Variants in CABIN1 observed in about 807,000 individuals in gnomAD.
CABIN1 encodes the protein calcineurin-binding protein cabin-1.
Under a neutral mutation model 227.7 loss-of-function variants are expected in CABIN1, and 133 were observed. That is an observed-to-expected ratio of 0.58 (90% confidence interval 0.51 to 0.67). CABIN1 has a LOEUF of 0.67. Ranked by LOEUF, CABIN1 falls within the 30% of genes least tolerant of loss-of-function variation. The pLI is 0.00. For missense variants in CABIN1, 2,408 were observed against 2,852.5 expected (o/e 0.84, Z 3.55); for synonymous variants, 1,086 against 1,155.1 (o/e 0.94, Z 1.21).
chr22:24,130,843 C>G (rs1654302247), intron 28 of CABIN1, among the ~76,000 whole-genome samples: 1 of 152,218 alleles, frequency 6.6e-6, no homozygotes, highest in Admixed American at 6.5e-5. Context: ...ACACACTCTC[C>G]ACCAGTACAC....
chr22:24,116,686 T>C (rs774795058), intron 27 of CABIN1, among the ~76,000 whole-genome samples: 6 of 152,222 alleles, frequency 3.9e-5, no homozygotes, highest in Non-Finnish European at 7.4e-5. Context: ...GTTGGTGTCT[T>C]GCCAAGATGT....
intron 6 of CABIN1, among the ~76,000 whole-genome samples, chr22:24,047,982 C>A (rs1160095001): frequency 6.6e-6 from 1 of 152,216 alleles, no homozygotes; most frequent in Non-Finnish European, 1.5e-5. Context: ...TAATTTATAT[C>A]ATAGTTCTGC....
At chr22:24,042,830 G>GTGTGTT in intron 5 of CABIN1, 74 bp from the exon 6 acceptor site, 1 of 600,636 alleles carries the variant, frequency 1.7e-6, no homozygotes, top group Non-Finnish European at 3.0e-6. Flanking sequence ...GTGTGTGTGT[G>GTGTGTT]TGTGTGTGTG....
chr22:24,015,445 C>G (rs1383205760), intron 1 of CABIN1, among the ~76,000 whole-genome samples: 1 of 150,960 alleles, frequency 6.6e-6, no homozygotes, highest in African/African-American at 2.4e-5. Context: ...CCCGGGTTCA[C>G]GCCGTTCTGC....
At chr22:24,098,627 G>A (rs753217831) in intron 26 of CABIN1, among the ~76,000 whole-genome samples, 10 of 152,248 alleles carry the variant, frequency 6.6e-5, no homozygotes, top group Non-Finnish European at 1.5e-4. Flanking sequence ...AGGGAAGGCC[G>A]TGACTAGTTC....
At chr22:24,071,654 C>T (rs951579928) in intron 17 of CABIN1, among the ~76,000 whole-genome samples, 3 of 152,196 alleles carry the variant, frequency 2.0e-5, no homozygotes, top group African/African-American at 7.2e-5. Flanking sequence ...CCACAGTCTC[C>T]TCTGCCCGCT....
Position 24,015,437 on chromosome 22 carries a change from C to G in CABIN1, c.-75+4070C>G, listed in dbSNP as rs775596286. Among the ~76,000 whole-genome samples the G allele has an allele frequency of 9.5e-3, 1,439 of 150,942 alleles. 14 individuals carry two copies. Among genetic ancestry groups the G allele is most frequent in the Non-Finnish European group, 0.014 (966 of 67,684 alleles). ...TCGGCTCACTGCAAGCTCCGCCTCC[C>G]GGGTTCACGCCGTTCTGCTGCCTGA... is the stretch of plus-strand genomic sequence containing the variant. On this transcript the variant is annotated intron_variant, in intron 1 of 36. Coordinates refer to ENST00000263119, the MANE Select transcript of CABIN1 (RefSeq NM_012295.4).
At chr22:24,014,009 A>G (rs117275831) in intron 1 of CABIN1, among the ~76,000 whole-genome samples, 266 of 152,236 alleles carry the variant, frequency 1.7e-3, no homozygotes, top group African/African-American at 5.6e-3. Flanking sequence ...ACCTTGATCT[A>G]TTGGTTTACT....
At chr22:24,062,364 T>TC (rs1439522247) in intron 13 of CABIN1, among the ~76,000 whole-genome samples, 1 of 143,348 alleles carries the variant, frequency 7.0e-6, no homozygotes, top group Non-Finnish European at 1.5e-5. Context: ...TTTTTTTTTT[T>TC]TTTTTTTTGG....
intron 24 of CABIN1, among the ~76,000 whole-genome samples, chr22:24,095,422 A>AC (rs2041828758): frequency 6.3e-5 from 5 of 79,992 alleles, no homozygotes; most frequent in South Asian, 1.0e-3. Context: ...CTGCCTGCCC[A>AC]CCCACCCCCC....
intron 28 of CABIN1, among the ~76,000 whole-genome samples, chr22:24,122,735 T>C (rs755013109): frequency 1.1e-4 from 16 of 151,556 alleles, no homozygotes; most frequent in Non-Finnish European, 1.5e-4. Context: ...AAAACCAAAA[T>C]GCTCCAATGA....
At chr22:24,083,879 T>G (rs13056291) in intron 20 of CABIN1, among the ~76,000 whole-genome samples, 1 of 152,220 alleles carries the variant, frequency 6.6e-6, no homozygotes, top group African/African-American at 2.4e-5. Context: ...TCCATTTTTG[T>G]GTTGTTTTGG....
chr22:24,068,366 G>A (rs989076441), intron 16 of CABIN1, among the ~76,000 whole-genome samples: 2 of 152,234 alleles, frequency 1.3e-5, no homozygotes, highest in South Asian at 4.1e-4. Context: ...ACCAGGAAGG[G>A]TGCTGGGTGG....
rs920546143 is a variant in CABIN1, at chr22:24,031,367, G to A, written c.-74-4077G>A. On this transcript the variant is annotated intron_variant, in intron 1 of 36. Coordinates refer to ENST00000263119, the MANE Select transcript of CABIN1 (RefSeq NM_012295.4). ...CTCTGGTCAGAGGAGCTCCACGCTA[G>A]TCAAGCTATTGTCGCCATTTTATAT... is the stretch of plus-strand genomic sequence containing the variant. 2.0e-5 allele frequency among the ~76,000 whole-genome samples: 3 copies of A among 152,186 alleles called. No homozygotes were observed. The East Asian group carries it at 5.8e-4, about 29-fold the overall frequency.
intron 20 of CABIN1, 140 bp downstream of exon 20, chr22:24,083,529 G>C: frequency 1.1e-6 from 1 of 881,914 alleles, no homozygotes; most frequent in South Asian, 1.5e-5. Context: ...GGTCTGATGA[G>C]TGTATCAAAG....
intron 10 of CABIN1, 32 bp downstream of exon 10, chr22:24,056,392 A>T: frequency 6.2e-7 from 1 of 1,609,450 alleles, no homozygotes; most frequent in Non-Finnish European, 8.5e-7. Flanking sequence ...TGTCAGAAAC[A>T]AACCCACAAA....
At chr22:24,158,788 A>G (rs1690610435) in intron 29 of CABIN1, among the ~76,000 whole-genome samples, 2 of 152,134 alleles carry the variant, frequency 1.3e-5, no homozygotes, top group Non-Finnish European at 2.9e-5. Flanking sequence ...ATCACTGGGA[A>G]GTTGGGCTTC....
At position 24,178,047 on chromosome 22, in the gene CABIN1, C is replaced by A; in HGVS notation, c.6520-6C>A. On this transcript the variant is annotated splice_polypyrimidine_tract_variant and splice_region_variant and intron_variant, in intron 36 of 36. Coordinates refer to ENST00000263119, the MANE Select transcript of CABIN1 (RefSeq NM_012295.4). ...TGACCAGTGCCCCGCCCGGCCCTCT[C>A]CGCAGTCAGCCATCCTTTCTGCCCA... 1 of 1,613,510 alleles carries A rather than the reference C, an allele frequency of 6.2e-7. No homozygotes were observed. The highest frequency in any genetic ancestry group is 8.5e-7 in the Non-Finnish European group (1 of 1,179,932).
chr22:24,088,638 G>A (rs1027995761), intron 23 of CABIN1, among the ~76,000 whole-genome samples: 2 of 151,940 alleles, frequency 1.3e-5, no homozygotes, highest in Non-Finnish European at 2.9e-5. Context: ...AATCTTACAA[G>A]GGACACAGGC....
Sources: allele counts gnomAD v4.1 joint callset (sites outside exome capture counted in the v4.1 genomes callset), GRCh38; gene constraint gnomAD v4.1.1; transcripts MANE v1.5; gene names NCBI Gene and HGNC (gene_info 2026-07-23, HGNC 2026-07-21).